Variants in RARB observed in about 807,000 individuals in gnomAD.
RARB encodes the protein HBV-activated protein.
Under a neutral mutation model 51.9 loss-of-function variants are expected in RARB, and 17 were observed. That is an observed-to-expected ratio of 0.33 (90% CI 0.22 to 0.49). RARB has a LOEUF of 0.49. Among genes scored for constraint, RARB ranks in the 20% least tolerant of loss-of-function variants. The pLI, the probability that RARB is intolerant of heterozygous loss-of-function variation, is 0.99. For missense variants in RARB, 369 were observed against 550.8 expected (o/e 0.67, Z 3.30); for synonymous variants, 215 against 195.4 (o/e 1.10, Z -0.84).
At chr3:25,388,797 G>T (rs1575363834) in intron 5 of RARB, among the ~76,000 whole-genome samples, 1 of 152,080 alleles carries the variant, frequency 6.6e-6, no homozygotes, top group Admixed American at 6.6e-5. Flanking sequence ...CAAGTGTGTG[G>T]GGTAGGTAGG....
At chr3:24,937,551 T>C (rs1695571384) in intron 2 of RARB, among the ~76,000 whole-genome samples, 1 of 152,160 alleles carries the variant, frequency 6.6e-6, no homozygotes. Context: ...GGGCCTGGAC[T>C]GACTAAAGAG....
chr3:25,289,368 G>A (rs1351158514), intron 5 of RARB, among the ~76,000 whole-genome samples: 2 of 152,194 alleles, frequency 1.3e-5, no homozygotes, highest in East Asian at 3.9e-4. Flanking sequence ...CCAAGAGACA[G>A]AGTATCCTTT....
chr3:25,153,285 G>T (rs1273665543), intron 4 of RARB, among the ~76,000 whole-genome samples: 1 of 152,158 alleles, frequency 6.6e-6, no homozygotes, highest in Non-Finnish European at 1.5e-5. Context: ...GTTGTTTTGT[G>T]CACGTCATCC....
intron 5 of RARB, among the ~76,000 whole-genome samples, chr3:25,266,161 T>A (rs906776737): frequency 2.0e-5 from 3 of 152,202 alleles, no homozygotes; most frequent in African/African-American, 7.2e-5. Context: ...CCTAACATAT[T>A]CACAGATCCT....
chr3:24,873,367 T>C (rs1342190905), intron 2 of RARB, among the ~76,000 whole-genome samples: 2 of 152,184 alleles, frequency 1.3e-5, no homozygotes, highest in Non-Finnish European at 2.9e-5. Context: ...TCAGTTCTTC[T>C]TGAGTCAGTT....
chr3:25,339,409 C>T (rs945247070), intron 5 of RARB, among the ~76,000 whole-genome samples: 22 of 152,174 alleles, frequency 1.4e-4, no homozygotes, highest in African/African-American at 4.1e-4. Flanking sequence ...ACCAATTCAA[C>T]GCTTTCTGTA....
chr3:25,295,578 A>G (rs968440758), intron 5 of RARB, among the ~76,000 whole-genome samples: 2 of 152,204 alleles, frequency 1.3e-5, no homozygotes, highest in Non-Finnish European at 2.9e-5. Flanking sequence ...TCTTGTTTGT[A>G]TGATGGGATT....
chr3:25,559,159 C>A (rs1008859766), intron 3 of RARB, among the ~76,000 whole-genome samples: 2 of 152,166 alleles, frequency 1.3e-5, no homozygotes, highest in African/African-American at 4.8e-5. Context: ...AACCCTCAGG[C>A]CTTTGCGCAC....
chr3:25,558,565 A>C (rs1575518266), intron 3 of RARB, among the ~76,000 whole-genome samples: 20 of 121,360 alleles, frequency 1.6e-4, no homozygotes, highest in African/African-American at 3.2e-4. Context: ...CCTCTCTCTC[A>C]CCTTAGATTG....
intron 1 of RARB, among the ~76,000 whole-genome samples, chr3:24,836,973 G>A (rs1166270563): frequency 6.6e-6 from 1 of 152,138 alleles, no homozygotes; most frequent in Non-Finnish European, 1.5e-5. Flanking sequence ...AAACAGGAAG[G>A]CAAATTCACC....
chr3:25,045,487 G>A (rs1468196763), intron 2 of RARB, among the ~76,000 whole-genome samples: 1 of 152,196 alleles, frequency 6.6e-6, no homozygotes, highest in Non-Finnish European at 1.5e-5. Context: ...CCTCCCTCCA[G>A]AGGAGTGTCC....
At chr3:25,488,344 G>A (rs1209670012) in intron 2 of RARB, among the ~76,000 whole-genome samples, 1 of 152,188 alleles carries the variant, frequency 6.6e-6, no homozygotes, top group Non-Finnish European at 1.5e-5. Context: ...TTTCATCTAA[G>A]GAAAATAATT....
At chr3:25,264,665 G>A (rs530561832) in intron 5 of RARB, among the ~76,000 whole-genome samples, 5 of 151,934 alleles carry the variant, frequency 3.3e-5, no homozygotes, top group African/African-American at 4.8e-5. Context: ...ATATAATTAT[G>A]GTAGAAATTG....
At chr3:25,154,882 T>C (rs1318199372) in intron 4 of RARB, among the ~76,000 whole-genome samples, 1 of 152,196 alleles carries the variant, frequency 6.6e-6, no homozygotes, top group Non-Finnish European at 1.5e-5. Flanking sequence ...AGGCTTGTCT[T>C]TTCCCCAGTA....
At chr3:25,018,820 CTTACAAT>C (rs1697568986) in intron 2 of RARB, among the ~76,000 whole-genome samples, 1 of 152,148 alleles carries the variant, frequency 6.6e-6, no homozygotes, top group Non-Finnish European at 1.5e-5. Context: ...ATTATATTGC[CTTACAAT>C]AGCAAACTTT....
chr3:25,400,877 A>G (rs1013273051), intron 5 of RARB, among the ~76,000 whole-genome samples: 27 of 151,636 alleles, frequency 1.8e-4, no homozygotes, highest in Admixed American at 1.4e-3. Context: ...AAAATAAAAT[A>G]TAAATATAAA....
At chr3:24,870,983 T>C (rs1702935807) in intron 2 of RARB, among the ~76,000 whole-genome samples, 1 of 152,064 alleles carries the variant, frequency 6.6e-6, no homozygotes, top group South Asian at 2.1e-4. Context: ...GATCTTATTC[T>C]ATCTAACTAT....
chr3:24,831,540 G>A (rs1410889861), intron 1 of RARB, among the ~76,000 whole-genome samples: 1 of 152,034 alleles, frequency 6.6e-6, no homozygotes, highest in African/African-American at 2.4e-5. Context: ...TTTATTATCT[G>A]TCTTTATAAT....
chr3:25,004,797 T>C lies in RARB; in HGVS notation c.-379-55328T>C, dbSNP rs551566803. Among the ~76,000 whole-genome samples the C allele has an allele frequency of 3.9e-5, 6 of 152,278 alleles. No homozygotes were observed. The South Asian group carries it at 1.2e-3, about 32-fold the overall frequency. The stretch of plus-strand genomic sequence containing the variant: ...AAGGTTAAATAGCAGTTTCATGGCA[T>C]TTATTAGCTGTGAAAGTCAACTACT... On this transcript the variant is annotated intron_variant, in intron 2 of 11. Coordinates refer to the RARB transcript ENST00000383772.
Sources: gnomAD v4.1 joint callset for allele counts (sites outside exome capture counted in the v4.1 genomes callset) on GRCh38, gnomAD v4.1.1 for gene constraint, MANE v1.5 for transcripts, NCBI Gene and HGNC (gene_info 2026-07-23, HGNC 2026-07-21) for gene names.